LRRC4C: variants seen among roughly 807,000 people sequenced by gnomAD.
LRRC4C encodes leucine rich repeat containing 4C, also known as leucine-rich repeat-containing protein 4C.
Under a neutral mutation model 33.6 loss-of-function variants are expected in LRRC4C, and 5 were observed. The ratio of observed to expected loss-of-function variants is 0.15; its 90% CI spans 0.08 to 0.31. LRRC4C has a LOEUF of 0.31. Among genes scored for constraint, LRRC4C ranks in the 10% least tolerant of loss-of-function variants. The pLI is 1.00. For missense variants in LRRC4C, 560 were observed against 796.7 expected (o/e 0.70, Z 3.58); for synonymous variants, 329 against 302.0 (o/e 1.09, Z -0.93).
chr11:40,509,055 A>G (rs1955177635), intron 3 of LRRC4C, among the ~76,000 whole-genome samples: 2 of 152,166 alleles, frequency 1.3e-5, no homozygotes, highest in Admixed American at 1.3e-4. Context: ...GATCCATTGA[A>G]CCAGCATTTC....
intron 2 of LRRC4C, among the ~76,000 whole-genome samples, chr11:40,861,870 C>T (rs1465438900): frequency 6.6e-6 from 1 of 152,112 alleles, no homozygotes; most frequent in South Asian, 2.1e-4. Context: ...GTGCCAGGCT[C>T]TTTAAACAAA....
intron 1 of LRRC4C, among the ~76,000 whole-genome samples, chr11:41,129,923 G>T (rs58073092): frequency 0.2 from 30,709 of 151,762 alleles, 3,277 homozygotes; most frequent in Non-Finnish European, 0.24. Context: ...AACTGTATAT[G>T]ATTACATCTT....
rs908614239 is a variant in LRRC4C, at chr11:41,290,877, C to A, written c.-496+168554G>T. Among the ~76,000 whole-genome samples the A allele has an allele frequency of 2.0e-5, 3 of 151,948 alleles. No homozygotes were observed. In the East Asian group the frequency reaches 5.8e-4, roughly 29 times the overall value. On this transcript the variant is annotated intron_variant, in intron 1 of 6. Transcript: ENST00000528697. ...CCTCAGACCAAGATGATGGAGAGAC[C>A]CTGACACTGAAGTTCCTGCCAAGAA...
chr11:41,291,664 T>C (rs912741364), intron 1 of LRRC4C, among the ~76,000 whole-genome samples: 3 of 152,096 alleles, frequency 2.0e-5, no homozygotes, highest in African/African-American at 7.2e-5. Flanking sequence ...ACAAAGGTTC[T>C]CCCTACTCTT....
intron 2 of LRRC4C, among the ~76,000 whole-genome samples, chr11:40,786,219 T>G (rs1950406584): frequency 6.6e-6 from 1 of 152,160 alleles, no homozygotes; most frequent in Non-Finnish European, 1.5e-5. Context: ...ATTTATACCT[T>G]TGCATGGCCT....
intron 3 of LRRC4C, among the ~76,000 whole-genome samples, chr11:40,557,233 A>G (rs1438738148): frequency 6.6e-6 from 1 of 152,058 alleles, no homozygotes; most frequent in Non-Finnish European, 1.5e-5. Context: ...AAGCAGAAGA[A>G]TAATGCAAAA....
chr11:40,236,485 G>T (rs1471872092), intron 5 of LRRC4C, among the ~76,000 whole-genome samples: 2 of 152,104 alleles, frequency 1.3e-5, no homozygotes, highest in Non-Finnish European at 2.9e-5. Context: ...TTTATTTCAT[G>T]GGCATAGAGA....
chr11:40,530,897 A>C (rs984098159), intron 3 of LRRC4C, among the ~76,000 whole-genome samples: 1 of 152,124 alleles, frequency 6.6e-6, no homozygotes, highest in African/African-American at 2.4e-5. Context: ...GGCTCTGTTT[A>C]ACTCCCGATT....
intron 2 of LRRC4C, among the ~76,000 whole-genome samples, chr11:40,808,863 A>G (rs1235938343): frequency 6.6e-6 from 1 of 152,146 alleles, no homozygotes; most frequent in African/African-American, 2.4e-5. Context: ...ATCTACATGC[A>G]TCTGAGCCCT....
intron 5 of LRRC4C, among the ~76,000 whole-genome samples, chr11:40,159,238 G>T (rs566917395): frequency 6.6e-6 from 1 of 152,272 alleles, no homozygotes; most frequent in African/African-American, 2.4e-5. Context: ...TCAAATTGGA[G>T]TTAGAGAAGC....
At chr11:40,399,495 G>C (rs920178719) in intron 3 of LRRC4C, among the ~76,000 whole-genome samples, 1 of 151,678 alleles carries the variant, frequency 6.6e-6, no homozygotes, top group Admixed American at 6.6e-5. Flanking sequence ...AGAACACATG[G>C]ACACAGGAAG....
intron 2 of LRRC4C, among the ~76,000 whole-genome samples, chr11:40,885,458 G>A (rs549010494): frequency 6.6e-6 from 1 of 152,078 alleles, no homozygotes; most frequent in South Asian, 2.1e-4. Context: ...CAAAGGTCAA[G>A]GACCCTGTGG....
At chr11:40,838,648 T>G (rs1157954036) in intron 2 of LRRC4C, among the ~76,000 whole-genome samples, 1 of 152,070 alleles carries the variant, frequency 6.6e-6, no homozygotes, top group Non-Finnish European at 1.5e-5. Flanking sequence ...GAAGACATGT[T>G]TTTATCTGTT....
At chr11:41,225,649 A>ATAT (rs1947501086) in intron 1 of LRRC4C, among the ~76,000 whole-genome samples, 2 of 151,548 alleles carry the variant, frequency 1.3e-5, no homozygotes, top group African/African-American at 4.8e-5. Flanking sequence ...ATTTATATAT[A>ATAT]TTTTTTTGTT....
At chr11:41,237,462 G>A (rs1028724388) in intron 1 of LRRC4C, among the ~76,000 whole-genome samples, 3 of 152,170 alleles carry the variant, frequency 2.0e-5, no homozygotes, top group African/African-American at 4.8e-5. Context: ...TACGGAAAGC[G>A]AGGGAATTCA....
intron 1 of LRRC4C, among the ~76,000 whole-genome samples, chr11:41,202,685 T>C (rs905510042): frequency 6.6e-6 from 1 of 152,220 alleles, no homozygotes; most frequent in Non-Finnish European, 1.5e-5. Context: ...TCTCTTCAAA[T>C]ATTAAGGATT....
At chr11:40,308,898 C>T (rs1037168620) in intron 4 of LRRC4C, among the ~76,000 whole-genome samples, 9 of 152,182 alleles carry the variant, frequency 5.9e-5, no homozygotes, top group Non-Finnish European at 1.0e-4. Context: ...GCCAATAAAA[C>T]GGACATGCAT....
At chr11:40,726,498 T>C (rs187492303) in intron 2 of LRRC4C, among the ~76,000 whole-genome samples, 131 of 152,122 alleles carry the variant, frequency 8.6e-4, no homozygotes, top group Non-Finnish European at 8.0e-4. Flanking sequence ...TGGTTCAACA[T>C]AGAAAAAACA....
intron 1 of LRRC4C, among the ~76,000 whole-genome samples, chr11:41,091,844 A>T (rs12291109): frequency 0.23 from 34,503 of 151,974 alleles, 4,232 homozygotes; most frequent in East Asian, 0.33. Flanking sequence ...TTAGATCCTA[A>T]TATTAGCCTA....
Sources: gnomAD v4.1 joint callset for allele counts (sites outside exome capture counted in the v4.1 genomes callset) on GRCh38, gnomAD v4.1.1 for gene constraint, MANE v1.5 for transcripts, NCBI Gene and HGNC (gene_info 2026-07-23, HGNC 2026-07-21) for gene names.